NEDD4: variants seen among roughly 807,000 people sequenced by gnomAD.
NEDD4 encodes NEDD4 E3 ubiquitin protein ligase.
In NEDD4, 99 loss-of-function variants were observed where a neutral mutation model predicts 144.9. The observed-to-expected ratio is 0.68, with a 90% CI of 0.58 to 0.81. The LOEUF (loss-of-function observed/expected upper bound fraction) is 0.81, where lower values mean the gene tolerates loss of function less well. NEDD4 is among the 30% of genes least tolerant of loss of function. The pLI is 0.00. For missense variants in NEDD4, 985 were observed against 1,065.9 expected, an observed-to-expected ratio of 0.92 and a Z score of 1.06; for synonymous variants, 318 against 350.6, an observed-to-expected ratio of 0.91 and a Z score of 1.04.
chr15:55,963,128 CTTTTTTAT>C (rs1262693745), intron 2 of NEDD4, among the ~76,000 whole-genome samples: 5 of 142,654 alleles, frequency 3.5e-5, no homozygotes, highest in African/African-American at 1.3e-4. Flanking sequence ...TTCTGGCACT[CTTTTTTAT>C]TTTTTTTTTT....
chr15:55,846,897 TA>T, intron 18 of NEDD4, 71 bp downstream of exon 18: 1 of 992,784 alleles, frequency 1.0e-6, no homozygotes, highest in Non-Finnish European at 1.5e-6. Flanking sequence ...ATTATTACTG[TA>T]AAAAACATTT....
At chr15:55,967,128 G>A (rs1418311020) in intron 1 of NEDD4, among the ~76,000 whole-genome samples, 4 of 152,132 alleles carry the variant, frequency 2.6e-5, no homozygotes. Context: ...CAGGTGATCT[G>A]CCTGCCTCAG....
chr15:55,961,969 GC>G (rs2037434396), intron 2 of NEDD4, among the ~76,000 whole-genome samples: 1 of 152,168 alleles, frequency 6.6e-6, no homozygotes, highest in Non-Finnish European at 1.5e-5. Context: ...TTTATCAACT[GC>G]TGAAAGAGAA....
chr15:55,968,268 A>T (rs2037550175), intron 1 of NEDD4, among the ~76,000 whole-genome samples: 1 of 152,140 alleles, frequency 6.6e-6, no homozygotes, highest in Non-Finnish European at 1.5e-5. Context: ...ACCAAATTCC[A>T]GATAAAGTCT....
chr15:55,954,281 G>A (rs59981828), intron 2 of NEDD4, among the ~76,000 whole-genome samples: 2,956 of 151,762 alleles, frequency 0.019, 110 homozygotes, highest in African/African-American at 0.068. Context: ...CTGTTCCTTC[G>A]GTGGCTTACT....
At chr15:55,834,594 T>G (rs1302626668) in intron 24 of NEDD4, among the ~76,000 whole-genome samples, 2 of 152,090 alleles carry the variant, frequency 1.3e-5, no homozygotes, top group Admixed American at 6.6e-5. Flanking sequence ...AATTTGAGAC[T>G]AGCCTGGGAA....
At chr15:55,978,824 G>C (rs1177126995) in intron 1 of NEDD4, among the ~76,000 whole-genome samples, 1 of 150,998 alleles carries the variant, frequency 6.6e-6, no homozygotes, top group Non-Finnish European at 1.5e-5. Flanking sequence ...TTATCTATGC[G>C]GGCAGCGTCA....
At chr15:55,984,556 C>T (rs1409562519) in intron 1 of NEDD4, among the ~76,000 whole-genome samples, 1 of 152,182 alleles carries the variant, frequency 6.6e-6, no homozygotes, top group Non-Finnish European at 1.5e-5. Flanking sequence ...TTATTGACGG[C>T]CATGATTGTT....
rs1476617607 is a variant in NEDD4, at chr15:55,874,011, A to G, written c.292-3T>C. 5 of 1,510,262 alleles carry G rather than the reference A, an allele frequency of 3.3e-6. No homozygotes were observed. Among genetic ancestry groups the G allele is most frequent in the Non-Finnish European group, 3.6e-6 (4 of 1,113,168 alleles). 93.6% of individuals were successfully genotyped at this position (1,510,262 alleles called of 1,614,324 possible). On this transcript the variant is annotated splice_region_variant and splice_polypyrimidine_tract_variant and intron_variant, in intron 5 of 28. Transcript: ENST00000435532. ...TGACCTAGGAAATCATCTCTTGTCTATAAGAGAAGGAAGAAAAAATATAAT... is the reference window on the plus strand; with the variant it reads ...TGACCTAGGAAATCATCTCTTGTCTGTAAGAGAAGGAAGAAAAAATATAAT...
At position 55,993,319 on chromosome 15, in the gene NEDD4, C is replaced by G. The variant is rs1040525083; in HGVS notation, c.45+192G>C. On this transcript the variant is annotated intron_variant, in intron 1 of 28. Coordinates refer to ENST00000435532, the MANE Select transcript of NEDD4 (RefSeq NM_006154.4). Reference sequence around the variant, plus strand: ...GACCCGACAAGCTTGCTCCCTCCAGCGAGCCCCCAGCGCCCGCGCGCCGAG... The same window carrying G: ...GACCCGACAAGCTTGCTCCCTCCAGGGAGCCCCCAGCGCCCGCGCGCCGAG... Among the ~76,000 whole-genome samples, 45 of 152,248 alleles carry G rather than the reference C, an allele frequency of 3.0e-4. 1 individual carries two copies. The highest frequency in any genetic ancestry group is 8.9e-4 in the African/African-American group (37 of 41,586).
intron 1 of NEDD4, among the ~76,000 whole-genome samples, chr15:55,986,553 C>T (rs996419701): frequency 1.7e-4 from 25 of 145,312 alleles, no homozygotes; most frequent in South Asian, 1.3e-3. Context: ...AAATGAGAAA[C>T]ATCGTAGGAT....
At position 55,951,595 on chromosome 15, in the gene NEDD4, A is replaced by T. The variant is rs200164901; in HGVS notation, c.120-6T>A. 73 of 28,270 alleles carry T rather than the reference A, an allele frequency of 2.6e-3. No homozygotes were observed. Among genetic ancestry groups the T allele is most frequent in the Admixed American group, 0.01 (1 of 96 alleles). 1.8% of individuals were successfully genotyped at this position (28,270 alleles called of 1,614,324 possible). The stretch of plus-strand genomic sequence containing the variant: ...TCACTCTCACGTAAGGATCACTGTT[A>T]AAAAAAAAAAAAAAAAGAAAGAAAA... On this transcript the variant is annotated splice_region_variant and splice_polypyrimidine_tract_variant and intron_variant, in intron 2 of 28. Transcript: ENST00000435532.
At chr15:55,840,803 C>G in intron 19 of NEDD4, 76 bp from the exon 20 acceptor site, 1 of 1,437,830 alleles carries the variant, frequency 7.0e-7, no homozygotes, top group Non-Finnish European at 9.6e-7. Context: ...AATCTTCCTC[C>G]TTTAAGAGTT....
intron 5 of NEDD4, among the ~76,000 whole-genome samples, chr15:55,875,701 T>C (rs925779493): frequency 1.3e-5 from 2 of 152,012 alleles, no homozygotes. Context: ...TGAAGATGAC[T>C]GGAGAAAAGT....
rs370079903 is a variant in NEDD4, at chr15:55,993,610, T to A, written c.-55A>T. On this transcript the variant is annotated 5_prime_UTR_variant, in exon 1 of 29. Transcript: ENST00000435532. Reference sequence around the variant, plus strand: ...CTCGCCCCCGCCCAGGGCAGGCAACTGTGGAGGAGGAGGAGGAGAAGCGGG... The same window carrying A: ...CTCGCCCCCGCCCAGGGCAGGCAACAGTGGAGGAGGAGGAGGAGAAGCGGG... The A allele has an allele frequency of 1.8e-5, 29 of 1,574,764 alleles. No homozygotes were observed. The highest frequency in any genetic ancestry group is 1.7e-4 in the South Asian group (15 of 87,038).
At chr15:55,860,843 C>T in intron 9 of NEDD4, 65 bp from the exon 10 acceptor site, 1 of 1,410,350 alleles carries the variant, frequency 7.1e-7, no homozygotes, top group Admixed American at 2.0e-5. Flanking sequence ...GTCAAAGATT[C>T]TGTGATCATT....
chr15:55,893,456 T>G (rs74015330), intron 5 of NEDD4, among the ~76,000 whole-genome samples: 2,892 of 152,070 alleles, frequency 0.019, 107 homozygotes, highest in African/African-American at 0.066. Context: ...AGAATACAAT[T>G]AAAAACTTAA....
intron 1 of NEDD4, among the ~76,000 whole-genome samples, chr15:55,992,832 A>C (rs2038009209): frequency 6.6e-6 from 1 of 152,240 alleles, no homozygotes; most frequent in African/African-American, 2.4e-5. Flanking sequence ...CAGATGTGGT[A>C]ACTTCTTTAT....
intron 1 of NEDD4, among the ~76,000 whole-genome samples, chr15:55,970,787 G>A (rs1297299971): frequency 6.6e-6 from 1 of 152,164 alleles, no homozygotes; most frequent in Non-Finnish European, 1.5e-5. Flanking sequence ...GATTCCCTCT[G>A]AATACTTGGA....
Sources: allele counts gnomAD v4.1 joint callset (sites outside exome capture counted in the v4.1 genomes callset), GRCh38; gene constraint gnomAD v4.1.1; transcripts MANE v1.5; gene names NCBI Gene and HGNC (gene_info 2026-07-23, HGNC 2026-07-21).